PLXDC2: variants seen among roughly 807,000 people sequenced by gnomAD.
PLXDC2 encodes the protein plexin domain-containing protein 2.
In PLXDC2, 40 loss-of-function variants were observed where a neutral mutation model predicts 68.9. That is an observed-to-expected ratio of 0.58 (90% confidence interval 0.45 to 0.76). The LOEUF (loss-of-function observed/expected upper bound fraction) is 0.76. Among genes scored for constraint, PLXDC2 ranks in the 30% least tolerant of loss-of-function variants. The probability of loss-of-function intolerance (pLI) is 0.00; values close to 1 mark genes in which losing one functional copy is unlikely to be tolerated. For missense variants in PLXDC2, 644 were observed against 661.9 expected, an observed-to-expected ratio of 0.97 and a Z score of 0.30; for synonymous variants, 243 against 234.2, an observed-to-expected ratio of 1.04 and a Z score of -0.34.
intron 7 of PLXDC2, among the ~76,000 whole-genome samples, chr10:20,167,486 G>T (rs1164673454): frequency 3.3e-5 from 5 of 152,108 alleles, no homozygotes; most frequent in Admixed American, 6.6e-5. Flanking sequence ...TCAAAATTCA[G>T]TTCCCTTATT....
At chr10:20,092,490 A>G (rs1833293428) in intron 4 of PLXDC2, among the ~76,000 whole-genome samples, 1 of 152,148 alleles carries the variant, frequency 6.6e-6, no homozygotes, top group Admixed American at 6.6e-5. Flanking sequence ...CAAAATTTAA[A>G]AAGATGTTAA....
chr10:20,209,375 G>A (rs780427161), intron 9 of PLXDC2, among the ~76,000 whole-genome samples: 41 of 151,926 alleles, frequency 2.7e-4, no homozygotes, highest in Admixed American at 2.6e-4. Flanking sequence ...ATCACACACC[G>A]GGGCCTGTTG....
chr10:19,850,093 A>G (rs1284448585), intron 1 of PLXDC2, among the ~76,000 whole-genome samples: 1 of 152,154 alleles, frequency 6.6e-6, no homozygotes, highest in East Asian at 1.9e-4. Context: ...AACATTCATC[A>G]ATATACTTTG....
chr10:19,871,307 C>G (rs2131342947), intron 1 of PLXDC2, among the ~76,000 whole-genome samples: 1 of 152,272 alleles, frequency 6.6e-6, no homozygotes, highest in Non-Finnish European at 1.5e-5. Context: ...ATTGTGTTGA[C>G]TTGGGGACAT....
chr10:20,142,193 A>AT (rs1236754060), intron 4 of PLXDC2, among the ~76,000 whole-genome samples: 1 of 152,184 alleles, frequency 6.6e-6, no homozygotes, highest in East Asian at 1.9e-4. Flanking sequence ...AAAGTTTAAC[A>AT]TTTTTTGAGC....
At chr10:20,091,658 C>T (rs1833278328) in intron 4 of PLXDC2, 1 of 152,128 alleles carries the variant, frequency 6.6e-6, no homozygotes, top group South Asian at 2.1e-4. Flanking sequence ...TAACTCTCTT[C>T]TTAGCTCAGC....
intron 2 of PLXDC2, among the ~76,000 whole-genome samples, chr10:20,023,074 TTAAA>T (rs903123538): frequency 4.2e-4 from 63 of 148,474 alleles, no homozygotes; most frequent in African/African-American, 1.5e-3. Context: ...GTAATGGCAT[TTAAA>T]TATATATATG....
chr10:20,021,450 G>C (rs944024956), intron 2 of PLXDC2, among the ~76,000 whole-genome samples: 20 of 151,820 alleles, frequency 1.3e-4, no homozygotes, highest in Admixed American at 2.6e-4. Flanking sequence ...ATTTTATCCT[G>C]TTTTAAGTGA....
chr10:20,272,848 T>A (rs2119385463), intron 13 of PLXDC2, among the ~76,000 whole-genome samples: 1 of 152,318 alleles, frequency 6.6e-6, no homozygotes, highest in South Asian at 2.1e-4. Flanking sequence ...TAGTCCAATG[T>A]TATCACTTAT....
chr10:19,989,284 G>A (rs1043686681), intron 1 of PLXDC2, among the ~76,000 whole-genome samples: 14 of 152,214 alleles, frequency 9.2e-5, no homozygotes, highest in African/African-American at 2.7e-4. Context: ...GCTGGTGAGT[G>A]TGTAAACTGA....
At chr10:19,979,521 C>T (rs894627007) in intron 1 of PLXDC2, among the ~76,000 whole-genome samples, 1 of 151,000 alleles carries the variant, frequency 6.6e-6, no homozygotes, top group African/African-American at 2.4e-5. Flanking sequence ...TGCAGGCACC[C>T]ACGACCATGC....
chr10:20,215,016 G>A (rs1404300881), intron 10 of PLXDC2, among the ~76,000 whole-genome samples: 1 of 152,280 alleles, frequency 6.6e-6, no homozygotes, highest in Non-Finnish European at 1.5e-5. Flanking sequence ...TCAACATAAA[G>A]ATGTTCATTG....
intron 1 of PLXDC2, among the ~76,000 whole-genome samples, chr10:19,957,331 T>C (rs186509053): frequency 8.7e-4 from 133 of 152,312 alleles, no homozygotes; most frequent in African/African-American, 2.4e-3. Context: ...TGTAAGAATA[T>C]GTGAAATACA....
chr10:20,273,949 A>C lies in PLXDC2; in HGVS notation c.1474-5754A>C, dbSNP rs140345344. On this transcript the variant is annotated intron_variant, in intron 13 of 13. Transcript: ENST00000377252. ...AGCTACTTAGGAGGCTGAGGGGGGAAGATCACTTGAGCCCAGGAGGTTGAG... is the reference window on the plus strand; with the variant it reads ...AGCTACTTAGGAGGCTGAGGGGGGACGATCACTTGAGCCCAGGAGGTTGAG... Among the ~76,000 whole-genome samples the C allele has an allele frequency of 6.2e-4, 95 of 152,044 alleles. 1 individual carries two copies. The highest frequency in any genetic ancestry group is 2.2e-3 in the African/African-American group (93 of 41,504).
chr10:19,823,790 C>T (rs915292136), intron 1 of PLXDC2, among the ~76,000 whole-genome samples: 21 of 152,236 alleles, frequency 1.4e-4, no homozygotes, highest in African/African-American at 3.9e-4. Context: ...ATTTGGAGAC[C>T]AGCCTGGGCA....
chr10:20,211,664 T>C lies in PLXDC2; in HGVS notation c.1062-5T>C, dbSNP rs1835071058. ...TTCTGAACTGCATTGTGGTCTTCTT[T>C]GAAGATGTTCCAGTGGATTTGATCG... On this transcript the variant is annotated splice_polypyrimidine_tract_variant and splice_region_variant and intron_variant, in intron 9 of 13. Transcript: ENST00000377252. The C allele has an allele frequency of 1.9e-6, 3 of 1,613,038 alleles. No homozygotes were observed. The East Asian group carries it at 6.7e-5, about 36-fold the overall frequency.
intron 13 of PLXDC2, among the ~76,000 whole-genome samples, chr10:20,272,194 T>C (rs774136033): frequency 2.4e-4 from 36 of 150,788 alleles, no homozygotes; most frequent in Non-Finnish European, 2.6e-4. Context: ...AGAAGGAAAA[T>C]TGGTTTTCTA....
At position 20,171,377 on chromosome 10, in the gene PLXDC2, G is replaced by A. The variant is rs1322463612; in HGVS notation, c.884-5622G>A. ...TATTCATTTTTCAGAAGATAAAATT[G>A]CTTCTCTTAACAGCACAATTTCATT... is the stretch of plus-strand genomic sequence containing the variant. On this transcript the variant is annotated intron_variant, in intron 7 of 13. Transcript: ENST00000377252. Among the ~76,000 whole-genome samples, 9 of 152,100 alleles carry A rather than the reference G, an allele frequency of 5.9e-5. No individual in the cohort carries two copies. In the East Asian group the frequency reaches 1.5e-3, roughly 26 times the overall value.
At chr10:20,200,199 G>T (rs1453944115) in intron 9 of PLXDC2, among the ~76,000 whole-genome samples, 1 of 151,924 alleles carries the variant, frequency 6.6e-6, no homozygotes, top group Admixed American at 6.6e-5. Context: ...ATTTGACAGG[G>T]ATTTAATGCT....
Sources: gnomAD v4.1 joint callset for allele counts (sites outside exome capture counted in the v4.1 genomes callset) on GRCh38, gnomAD v4.1.1 for gene constraint, MANE v1.5 for transcripts, NCBI Gene and HGNC (gene_info 2026-07-23, HGNC 2026-07-21) for gene names.